PAPPA: variants seen among roughly 807,000 people sequenced by gnomAD.
PAPPA encodes the protein pappalysin-1.
PAPPA carries 60 observed loss-of-function variants against 164.0 expected under a neutral mutation model. The observed-to-expected ratio is 0.37, with a 90% confidence interval of 0.30 to 0.45. The LOEUF is 0.45. Ranked by LOEUF, PAPPA falls within the 20% of genes least tolerant of loss-of-function variation. PAPPA has a pLI of 1.00. For missense variants in PAPPA, 1,782 were observed against 2,087.3 expected (o/e 0.85, Z 2.85); for synonymous variants, 875 against 814.1 (o/e 1.07, Z -1.27).
chr9:116,219,867 C>A lies in PAPPA; in HGVS notation c.1919-70C>A, dbSNP rs1233177757. On this transcript the variant is annotated intron_variant, in intron 4 of 21. Coordinates refer to ENST00000328252, the MANE Select transcript of PAPPA (RefSeq NM_002581.5). Reference sequence around the variant, plus strand: ...TGCTGACTCTTGGGCCGCCAGGAGCCGTCATTACTCTCTCATATGCCTGCC... The same window carrying A: ...TGCTGACTCTTGGGCCGCCAGGAGCAGTCATTACTCTCTCATATGCCTGCC... 3 of 1,315,770 alleles carry A rather than the reference C, an allele frequency of 2.3e-6. No homozygotes were observed. In the East Asian group the frequency reaches 7.0e-5, roughly 31 times the overall value. The allele number at this position is 1,315,770 out of a possible 1,614,324, so 81.5% of individuals were successfully genotyped here. A position where few individuals can be genotyped will look rare whatever the true frequency, so the allele number is the denominator to read the frequency against.
At chr9:116,223,746 A>G (rs1844472343) in intron 5 of PAPPA, among the ~76,000 whole-genome samples, 1 of 152,198 alleles carries the variant, frequency 6.6e-6, no homozygotes, top group African/African-American at 2.4e-5. Context: ...ATTTATACTC[A>G]TGCAAATTGG....
chr9:116,374,001 G>T (rs556114301), intron 19 of PAPPA, among the ~76,000 whole-genome samples: 1 of 151,710 alleles, frequency 6.6e-6, no homozygotes, highest in African/African-American at 2.4e-5. Flanking sequence ...ATTTTGTGCC[G>T]ATGAGGATGA....
rs150452744 is a variant in PAPPA at position 116,400,029 on chromosome 9, AAAAG to A, written c.*3431_*3434del. On this transcript the variant is annotated 3_prime_UTR_variant, in exon 22 of 22. Transcript: ENST00000328252. ...AGGTCTTACCTGTGTGAAAGAAAGA[AAAAG>A]AAAGAAAGAAAGAAAGAGAAAGGAA... 0.032 allele frequency: 4,898 copies of A among 152,584 alleles called. 95 individuals are homozygous for A. Among genetic ancestry groups the A allele is most frequent in the East Asian group, 0.073 (375 of 5,158 alleles). The allele number at this position is 152,584 out of a possible 1,614,324, so 9.5% of individuals were successfully genotyped here. A position where few individuals can be genotyped will look rare whatever the true frequency, so the allele number is the denominator to read the frequency against.
In PAPPA at chr9:116,385,688, T is replaced by C. The variant is rs535990056; in HGVS notation, c.4776+3195T>C. ...ATAAATGTAGTTAGGCTTTTTGTGT[T>C]AAGAAATCCTCTTCTTCCACTTTAA... On this transcript the variant is annotated intron_variant, in intron 21 of 21. Transcript: ENST00000328252. 1.1e-4 allele frequency among the ~76,000 whole-genome samples: 16 copies of C among 152,352 alleles called. No homozygotes were observed. The East Asian group carries it at 2.9e-3, about 28-fold the overall frequency.
chr9:116,235,826 G>A (rs1844658368), intron 7 of PAPPA, among the ~76,000 whole-genome samples, 189 bp downstream of exon 7: 2 of 152,110 alleles, frequency 1.3e-5, no homozygotes. Flanking sequence ...GAGCAATAGG[G>A]AAGGAACCAT....
chr9:116,360,200 G>C (rs930171347), intron 17 of PAPPA, among the ~76,000 whole-genome samples: 4 of 152,230 alleles, frequency 2.6e-5, no homozygotes, highest in African/African-American at 9.6e-5. Flanking sequence ...CAGGAAATTG[G>C]GGTCAATTTC....
intron 10 of PAPPA, among the ~76,000 whole-genome samples, chr9:116,315,727 G>C (rs953178686): frequency 1.3e-5 from 2 of 152,144 alleles, no homozygotes; most frequent in Admixed American, 6.5e-5. Flanking sequence ...GAAGGAGTAA[G>C]AGGAAGAAAG....
intron 4 of PAPPA, among the ~76,000 whole-genome samples, chr9:116,217,999 C>G (rs940573407): frequency 3.9e-5 from 6 of 152,108 alleles, no homozygotes; most frequent in African/African-American, 1.4e-4. Flanking sequence ...AAAAAGTGTC[C>G]AATTATCTGG....
At chr9:116,290,606 C>A (rs1845423843) in intron 9 of PAPPA, among the ~76,000 whole-genome samples, 1 of 152,128 alleles carries the variant, frequency 6.6e-6, no homozygotes, top group Non-Finnish European at 1.5e-5. Context: ...GACTCCCTGA[C>A]CATTACTGTA....
chr9:116,343,741 T>TTTTATTTATTTA (rs1224868226), intron 13 of PAPPA, among the ~76,000 whole-genome samples: 34,209 of 141,996 alleles, frequency 0.24, 4,311 homozygotes, highest in Middle Eastern at 0.26. Context: ...TACCACTTAT[T>TTTTATTTATTTA]TTTATTTATT....
At chr9:116,226,016 A>G (rs1352482173) in intron 5 of PAPPA, among the ~76,000 whole-genome samples, 1 of 150,734 alleles carries the variant, frequency 6.6e-6, no homozygotes, top group Non-Finnish European at 1.5e-5. Flanking sequence ...TGTCAAAAAA[A>G]GTTTTCACAG....
chr9:116,216,399 A>G (rs1844372015), intron 4 of PAPPA, among the ~76,000 whole-genome samples: 1 of 152,176 alleles, frequency 6.6e-6, no homozygotes, highest in Admixed American at 6.5e-5. Flanking sequence ...TTTGTTCTTG[A>G]GAGGAAGATT....
intron 7 of PAPPA, among the ~76,000 whole-genome samples, chr9:116,239,363 C>T (rs72754227): frequency 0.055 from 8,401 of 152,196 alleles, 332 homozygotes; most frequent in Middle Eastern, 0.11. Context: ...AAAGACACAC[C>T]GCATCACCTA....
chr9:116,233,623 TC>T (rs1302384153), intron 6 of PAPPA, among the ~76,000 whole-genome samples: 2 of 152,208 alleles, frequency 1.3e-5, no homozygotes, highest in African/African-American at 4.8e-5. Flanking sequence ...CCCCTCCTTC[TC>T]TTTTCCTCTT....
chr9:116,229,069 G>A (rs1190195505), intron 6 of PAPPA, among the ~76,000 whole-genome samples: 1 of 152,170 alleles, frequency 6.6e-6, no homozygotes. Flanking sequence ...ACCATTCAAT[G>A]TGAACAGGCT....
intron 2 of PAPPA, among the ~76,000 whole-genome samples, chr9:116,194,627 A>T (rs888258021): frequency 1.3e-5 from 2 of 152,134 alleles, no homozygotes; most frequent in African/African-American, 4.8e-5. Context: ...CTGGTTTCTC[A>T]TCTGTAATAA....
At chr9:116,327,467 A>G (rs1223817573) in intron 10 of PAPPA, among the ~76,000 whole-genome samples, 1 of 152,018 alleles carries the variant, frequency 6.6e-6, no homozygotes, top group Non-Finnish European at 1.5e-5. Flanking sequence ...TGGTAGGGAG[A>G]GCTAAAGAGG....
At chr9:116,226,994 T>C (rs539464206) in intron 5 of PAPPA, among the ~76,000 whole-genome samples, 1 of 152,320 alleles carries the variant, frequency 6.6e-6, no homozygotes, top group South Asian at 2.1e-4. Flanking sequence ...ATTTAATGCC[T>C]AAAACACAAG....
At chr9:116,395,276 A>G (rs1249641067) in intron 21 of PAPPA, among the ~76,000 whole-genome samples, 4 of 152,160 alleles carry the variant, frequency 2.6e-5, no homozygotes, top group Admixed American at 2.6e-4. Context: ...TTCAGGATGG[A>G]GAGAGGTTGG....
Sources: gnomAD v4.1 joint callset for allele counts (sites outside exome capture counted in the v4.1 genomes callset) on GRCh38, gnomAD v4.1.1 for gene constraint, MANE v1.5 for transcripts, NCBI Gene and HGNC (gene_info 2026-07-23, HGNC 2026-07-21) for gene names.